The following GRM1 variants were observed in gnomAD, a reference collection of about 807,000 sequenced individuals.
GRM1 encodes the protein metabotropic glutamate receptor 1.
Under a neutral mutation model 90.9 loss-of-function variants are expected in GRM1, and 33 were observed. That is an observed-to-expected ratio of 0.36 (90% CI 0.28 to 0.49). The LOEUF (loss-of-function observed/expected upper bound fraction) is 0.49. Among genes scored for constraint, GRM1 ranks in the 20% least tolerant of loss-of-function variants. GRM1 has a pLI of 0.99. For missense variants in GRM1, 1,190 were observed against 1,534.3 expected, an observed-to-expected ratio of 0.78 and a Z score of 3.75; for synonymous variants, 700 against 613.2, an observed-to-expected ratio of 1.14 and a Z score of -2.09.
At position 146,377,921 on chromosome 6, in the gene GRM1, G is replaced by A. The variant is rs139033169; in HGVS notation, c.1603-8969G>A. 3.7e-4 allele frequency among the ~76,000 whole-genome samples: 57 copies of A among 152,280 alleles called. No homozygotes were observed. The Middle Eastern group carries it at 0.014, about 36-fold the overall frequency. ...TTGGGTTTGTGGTTGCACGGAAGTT[G>A]GAAGTGTGTGTGCACCCTAGGGATT... On this transcript the variant is annotated intron_variant, in intron 5 of 7. Coordinates refer to ENST00000282753, the MANE Select transcript of GRM1 (RefSeq NM_001278064.2).
intron 5 of GRM1, among the ~76,000 whole-genome samples, chr6:146,377,469 C>A (rs1298016664): frequency 6.6e-6 from 1 of 152,120 alleles, no homozygotes; most frequent in Admixed American, 6.5e-5. Context: ...GTCCTTGCCC[C>A]AGAGACCTGT....
intron 2 of GRM1, among the ~76,000 whole-genome samples, chr6:146,204,806 C>T (rs1037700490): frequency 3.3e-5 from 5 of 152,076 alleles, no homozygotes; most frequent in African/African-American, 7.2e-5. Flanking sequence ...CTTTTGTGCA[C>T]GCAGAGTTCT....
At chr6:146,409,177 C>T (rs563776139) in intron 7 of GRM1, among the ~76,000 whole-genome samples, 18 of 152,272 alleles carry the variant, frequency 1.2e-4, no homozygotes, top group African/African-American at 4.3e-4. Flanking sequence ...TTCTTGCCTC[C>T]TGTCTCGCCC....
chr6:146,072,569 T>C (rs1776050021), intron 1 of GRM1, among the ~76,000 whole-genome samples: 1 of 152,194 alleles, frequency 6.6e-6, no homozygotes, highest in South Asian at 2.1e-4. Flanking sequence ...TTTTACTGTA[T>C]ATATTTAAGG....
At chr6:146,120,632 G>C (rs761195260) in intron 1 of GRM1, among the ~76,000 whole-genome samples, 1 of 152,156 alleles carries the variant, frequency 6.6e-6, no homozygotes, top group Non-Finnish European at 1.5e-5. Flanking sequence ...AATTTATTGA[G>C]AGTTTTTAGC....
chr6:146,319,354 T>A (rs551422429), intron 3 of GRM1, among the ~76,000 whole-genome samples: 2 of 152,340 alleles, frequency 1.3e-5, no homozygotes, highest in South Asian at 4.1e-4. Flanking sequence ...CAGTACCTGC[T>A]GTTTTGGGTA....
At chr6:146,274,899 G>A (rs1782297336) in intron 2 of GRM1, among the ~76,000 whole-genome samples, 1 of 152,044 alleles carries the variant, frequency 6.6e-6, no homozygotes, top group South Asian at 2.1e-4. Context: ...GCTTGATGGT[G>A]GGCACCTATA....
At chr6:146,122,670 G>A (rs989348840) in intron 1 of GRM1, among the ~76,000 whole-genome samples, 1 of 151,490 alleles carries the variant, frequency 6.6e-6, no homozygotes, top group Non-Finnish European at 1.5e-5. Flanking sequence ...TCTGATATTT[G>A]GTATTCATTT....
chr6:146,432,841 G>A (rs1228371910), intron 7 of GRM1, among the ~76,000 whole-genome samples: 1 of 152,172 alleles, frequency 6.6e-6, no homozygotes, highest in Non-Finnish European at 1.5e-5. Flanking sequence ...TGGGGTGTAG[G>A]CCACAGTACA....
chr6:146,108,592 A>C (rs997294631), intron 1 of GRM1, among the ~76,000 whole-genome samples: 1 of 152,168 alleles, frequency 6.6e-6, no homozygotes, highest in Non-Finnish European at 1.5e-5. Context: ...TATCAGCAGC[A>C]TGAAAAATGG....
chr6:146,376,508 T>C (rs1333119870), intron 5 of GRM1, among the ~76,000 whole-genome samples: 1 of 152,140 alleles, frequency 6.6e-6, no homozygotes, highest in Non-Finnish European at 1.5e-5. Context: ...TTATTTCTCC[T>C]TTATGTGTCC....
At chr6:146,348,933 A>G (rs1042279758) in intron 3 of GRM1, among the ~76,000 whole-genome samples, 2 of 152,222 alleles carry the variant, frequency 1.3e-5, no homozygotes, top group African/African-American at 4.8e-5. Context: ...AGGTTATACC[A>G]CATGCTTTCC....
chr6:146,134,353 G>T (rs947079990), intron 1 of GRM1, among the ~76,000 whole-genome samples: 7 of 152,196 alleles, frequency 4.6e-5, no homozygotes, highest in African/African-American at 1.7e-4. Context: ...CTCATTAAAT[G>T]TTTCCAAAAC....
At chr6:146,262,059 TA>T (rs1781712447) in intron 2 of GRM1, among the ~76,000 whole-genome samples, 3 of 50,284 alleles carry the variant, frequency 6.0e-5, no homozygotes, top group African/African-American at 2.2e-4. Context: ...TTTCAAAACA[TA>T]AAAAATTCTA....
intron 3 of GRM1, among the ~76,000 whole-genome samples, chr6:146,315,665 G>T (rs1014121416): frequency 2.0e-5 from 3 of 152,082 alleles, no homozygotes; most frequent in Admixed American, 2.0e-4. Context: ...TTTGGAGTGA[G>T]GCCAAGCATT....
At chr6:146,305,230 A>G (rs1783532309) in intron 3 of GRM1, among the ~76,000 whole-genome samples, 1 of 152,032 alleles carries the variant, frequency 6.6e-6, no homozygotes, top group African/African-American at 2.4e-5. Flanking sequence ...TTGTTTAGAT[A>G]CAGAAGTCAG....
intron 6 of GRM1, among the ~76,000 whole-genome samples, chr6:146,392,350 T>C (rs143320145): frequency 1.1e-4 from 16 of 152,264 alleles, no homozygotes; most frequent in African/African-American, 3.8e-4. Flanking sequence ...GGTTATCTCT[T>C]GGTCCCTTGG....
intron 2 of GRM1, among the ~76,000 whole-genome samples, chr6:146,288,821 A>G (rs980285720): frequency 6.6e-6 from 1 of 152,108 alleles, no homozygotes; most frequent in African/African-American, 2.4e-5. Flanking sequence ...ATTTTAGTCA[A>G]TAATGGACTA....
intron 2 of GRM1, among the ~76,000 whole-genome samples, chr6:146,214,093 T>C (rs1222264930): frequency 6.6e-6 from 1 of 152,148 alleles, no homozygotes; most frequent in Non-Finnish European, 1.5e-5. Flanking sequence ...GCTAATTGAA[T>C]GGTGCCTGGC....
Sources: allele counts gnomAD v4.1 joint callset (sites outside exome capture counted in the v4.1 genomes callset), GRCh38; gene constraint gnomAD v4.1.1; transcripts MANE v1.5; gene names NCBI Gene and HGNC (gene_info 2026-07-23, HGNC 2026-07-21).